Variants in SEMA3A observed in about 807,000 individuals in gnomAD.
The protein encoded by SEMA3A is semaphorin-3A.
In SEMA3A, 29 loss-of-function variants were observed where a neutral mutation model predicts 97.9. The ratio of observed to expected loss-of-function variants is 0.30; its 90% CI spans 0.22 to 0.40. The LOEUF (loss-of-function observed/expected upper bound fraction) is 0.40, where lower values mean the gene tolerates loss of function less well. SEMA3A is among the 10% of genes least tolerant of loss of function. SEMA3A has a pLI of 1.00. For synonymous variants in SEMA3A, 321 were observed against 323.7 expected (o/e 0.99, Z 0.09); for missense variants, 763 against 951.3 (o/e 0.80, Z 2.60).
chr7:83,997,223 A>G (rs1372199743), intron 12 of SEMA3A, among the ~76,000 whole-genome samples: 6 of 152,228 alleles, frequency 3.9e-5, no homozygotes, highest in Non-Finnish European at 7.3e-5. Context: ...AGATACTACC[A>G]TGACCCTAAA....
intron 1 of SEMA3A, among the ~76,000 whole-genome samples, chr7:84,457,106 A>G (rs1281118681): frequency 6.6e-6 from 1 of 151,688 alleles, no homozygotes; most frequent in East Asian, 1.9e-4. Flanking sequence ...TTTCCCAATG[A>G]CATAACTGGT....
intron 1 of SEMA3A, among the ~76,000 whole-genome samples, chr7:84,490,003 C>G (rs191362272): frequency 1.4e-3 from 207 of 151,698 alleles, no homozygotes; most frequent in African/African-American, 4.7e-3. Flanking sequence ...ATATTGCAAT[C>G]TTATTTGAAA....
intron 3 of SEMA3A, among the ~76,000 whole-genome samples, chr7:84,300,085 A>G (rs1194772631): frequency 6.6e-6 from 1 of 150,550 alleles, no homozygotes; most frequent in Non-Finnish European, 1.5e-5. Flanking sequence ...TAAAACTATG[A>G]TAACTGAAAT....
At chr7:84,448,031 T>C (rs1253236849) in intron 1 of SEMA3A, among the ~76,000 whole-genome samples, 4 of 152,222 alleles carry the variant, frequency 2.6e-5, no homozygotes, top group Admixed American at 6.5e-5. Context: ...GTGTGCCCGG[T>C]GTGCCTGGCT....
chr7:84,425,853 AACACAC>A (rs368734761), intron 1 of SEMA3A, among the ~76,000 whole-genome samples: 7 of 110,366 alleles, frequency 6.3e-5, no homozygotes, highest in South Asian at 5.4e-4. Flanking sequence ...ATGTTTATAT[AACACAC>A]ACACACACAC....
intron 2 of SEMA3A, among the ~76,000 whole-genome samples, chr7:84,362,487 T>C (rs13227369): frequency 0.2 from 31,020 of 151,970 alleles, 3,360 homozygotes; most frequent in Admixed American, 0.27. Context: ...AGCACACTTT[T>C]TGCTAGAGTT....
At chr7:84,057,149 A>G (rs534800911) in intron 5 of SEMA3A, among the ~76,000 whole-genome samples, 1 of 152,316 alleles carries the variant, frequency 6.6e-6, no homozygotes, top group Non-Finnish European at 1.5e-5. Context: ...TTTTGACTTG[A>G]GGATATAAAC....
intron 1 of SEMA3A, among the ~76,000 whole-genome samples, chr7:84,404,918 T>A (rs1195377727): frequency 2.6e-5 from 4 of 151,202 alleles, no homozygotes; most frequent in African/African-American, 9.7e-5. Flanking sequence ...AAGGAACAAC[T>A]GGTACCAGCC....
chr7:84,141,459 T>C (rs1796288784), intron 1 of SEMA3A, among the ~76,000 whole-genome samples: 3 of 152,146 alleles, frequency 2.0e-5, no homozygotes, highest in Admixed American at 6.6e-5. Flanking sequence ...CCCTACCAGA[T>C]GCTTATTTTT....
At chr7:84,339,566 C>T (rs1183441466) in intron 2 of SEMA3A, among the ~76,000 whole-genome samples, 1 of 152,062 alleles carries the variant, frequency 6.6e-6, no homozygotes, top group African/African-American at 2.4e-5. Flanking sequence ...GGTATGGTGA[C>T]TTAAAGAATG....
At chr7:84,005,579 T>A in intron 10 of SEMA3A, 21 bp from the exon 11 acceptor site, 1 of 1,476,710 alleles carries the variant, frequency 6.8e-7, no homozygotes, top group Middle Eastern at 1.7e-4. Flanking sequence ...AAAGAGAAAA[T>A]TATCTTTTGA....
intron 3 of SEMA3A, among the ~76,000 whole-genome samples, chr7:84,114,231 A>G (rs1460210169): frequency 1.3e-5 from 2 of 152,194 alleles, no homozygotes; most frequent in Non-Finnish European, 2.9e-5. Context: ...TCCAATTCCA[A>G]TTACCTCCTT....
At chr7:84,024,952 T>G (rs1791495270) in intron 6 of SEMA3A, among the ~76,000 whole-genome samples, 2 of 151,650 alleles carry the variant, frequency 1.3e-5, no homozygotes, top group African/African-American at 4.8e-5. Context: ...CCGGGCATGG[T>G]GGTGGGCGCC....
chr7:84,057,949 T>C (rs1793061104), intron 5 of SEMA3A, among the ~76,000 whole-genome samples: 2 of 152,258 alleles, frequency 1.3e-5, no homozygotes, highest in South Asian at 2.1e-4. Flanking sequence ...ATATTCTCAA[T>C]AGTCCTCAGC....
intron 4 of SEMA3A, among the ~76,000 whole-genome samples, chr7:84,108,310 A>G (rs1795170692): frequency 6.6e-6 from 1 of 151,652 alleles, no homozygotes; most frequent in African/African-American, 2.4e-5. Context: ...TATGCTTTCA[A>G]CAATGATGGG....
At chr7:83,990,717 T>A (rs1174523830) in intron 12 of SEMA3A, among the ~76,000 whole-genome samples, 1 of 117,762 alleles carries the variant, frequency 8.5e-6, no homozygotes, top group Admixed American at 9.3e-5. Context: ...TTTTGGTTAC[T>A]GTAGCCTTGT....
chr7:84,200,338 A>G (rs758484346), intron 3 of SEMA3A, among the ~76,000 whole-genome samples: 1 of 152,148 alleles, frequency 6.6e-6, no homozygotes, highest in Non-Finnish European at 1.5e-5. Context: ...ATAGTCATTA[A>G]TGATGGCGGT....
intron 5 of SEMA3A, among the ~76,000 whole-genome samples, chr7:84,048,655 C>G (rs1330386301): frequency 6.6e-6 from 1 of 151,698 alleles, no homozygotes; most frequent in Non-Finnish European, 1.5e-5. Context: ...AACCTCTTTG[C>G]CTCTAAACCA....
chr7:84,428,558 T>G (rs2116312602), intron 1 of SEMA3A, among the ~76,000 whole-genome samples: 1 of 152,210 alleles, frequency 6.6e-6, no homozygotes, highest in South Asian at 2.1e-4. Context: ...CTTTGAATAT[T>G]GTCCTATTTG....
Sources: gnomAD v4.1 joint callset for allele counts (sites outside exome capture counted in the v4.1 genomes callset) on GRCh38, gnomAD v4.1.1 for gene constraint, MANE v1.5 for transcripts, NCBI Gene and HGNC (gene_info 2026-07-23, HGNC 2026-07-21) for gene names.